Variants in WWOX observed in about 807,000 individuals in gnomAD.
WWOX encodes the protein WW domain-containing oxidoreductase.
Under a neutral mutation model 46.2 loss-of-function variants are expected in WWOX, and 69 were observed. The observed-to-expected ratio is 1.49, with a 90% confidence interval of 1.23 to 1.82. The LOEUF (loss-of-function observed/expected upper bound fraction) is 1.82, where lower values mean the gene tolerates loss of function less well. Ranked by LOEUF, WWOX falls within the 40% of genes most tolerant of loss-of-function variation. The pLI is 0.00. For missense variants in WWOX, 919 were observed against 542.6 expected (o/e 1.69, Z -6.89); for synonymous variants, 359 against 202.6 (o/e 1.77, Z -6.56).
chr16:78,980,604 C>G lies in WWOX; in HGVS notation c.1057-231004C>G, dbSNP rs2046661442. Among the ~76,000 whole-genome samples the G allele has an allele frequency of 2.0e-5, 3 of 152,216 alleles. No homozygotes were observed. In the South Asian group the frequency reaches 6.2e-4, roughly 32 times the overall value. On this transcript the variant is annotated intron_variant, in intron 8 of 8. Coordinates refer to ENST00000566780, the MANE Select transcript of WWOX (RefSeq NM_016373.4). Reference sequence around the variant, plus strand: ...ATCTCTCAGGATCCTATGTAGGTATCCTGATGGTAAGAATGATAATACCAT... The same window carrying G: ...ATCTCTCAGGATCCTATGTAGGTATGCTGATGGTAAGAATGATAATACCAT...
chr16:78,690,808 G>T (rs4887973), intron 8 of WWOX, among the ~76,000 whole-genome samples: 54,273 of 151,932 alleles, frequency 0.36, 10,388 homozygotes, highest in African/African-American at 0.42. Context: ...TAAAATGAAT[G>T]GCATATGCGT....
chr16:78,290,387 G>A lies in WWOX; in HGVS notation c.517-96473G>A, dbSNP rs184889286. ...ATAGAGTTGTTTCCTGGTGAATGAT[G>A]TATGACAGTTTTCTTTGTGCTTCCT... On this transcript the variant is annotated intron_variant, in intron 5 of 8. Transcript: ENST00000566780. Among the ~76,000 whole-genome samples, 374 of 149,016 alleles carry A rather than the reference G, an allele frequency of 2.5e-3. 2 individuals are homozygous for A. Among genetic ancestry groups the A allele is most frequent in the African/African-American group, 8.5e-3 (345 of 40,544 alleles).
chr16:78,675,877 C>A (rs1236521493), intron 8 of WWOX, among the ~76,000 whole-genome samples: 3 of 151,940 alleles, frequency 2.0e-5, no homozygotes, highest in Non-Finnish European at 4.4e-5. Flanking sequence ...ATACCTGTGG[C>A]ATACTCATTA....
Position 78,652,558 on chromosome 16 carries a change from G to C in WWOX, c.1056+219806G>C, listed in dbSNP as rs556712128. Among the ~76,000 whole-genome samples the C allele has an allele frequency of 1.6e-4, 24 of 152,192 alleles. No homozygotes were observed. In the East Asian group the frequency reaches 4.2e-3, roughly 27 times the overall value. ...CCCTCAGCAGTTGACTCACCTCTCTGGTGCTCCAGGTATTTCTCAGCGTGT... is the reference window on the plus strand; with the variant it reads ...CCCTCAGCAGTTGACTCACCTCTCTCGTGCTCCAGGTATTTCTCAGCGTGT... On this transcript the variant is annotated intron_variant, in intron 8 of 8. Transcript: ENST00000566780.
intron 8 of WWOX, among the ~76,000 whole-genome samples, chr16:78,600,179 G>A (rs1288422992): frequency 6.6e-6 from 1 of 152,082 alleles, no homozygotes; most frequent in East Asian, 1.9e-4. Context: ...GGAAAGACTT[G>A]CCCTCATGAT....
chr16:78,268,963 T>C (rs2079421994), intron 5 of WWOX: 1 of 152,310 alleles, frequency 6.6e-6, no homozygotes, highest in African/African-American at 2.4e-5. Context: ...TTGTACATCC[T>C]CCTTCATGTT....
At position 78,575,045 on chromosome 16, in the gene WWOX, ATATATAT is replaced by A. The variant is rs2044832303; in HGVS notation, c.1056+142294_1056+142300del. On this transcript the variant is annotated intron_variant, in intron 8 of 8. Transcript: ENST00000566780. ...TAAATATATATATATATATATATAT[ATATATAT>A]ATATATATATATATATATATATATA... Among the ~76,000 whole-genome samples, 11 of 7,164 alleles carry A rather than the reference ATATATAT, an allele frequency of 1.5e-3. 1 individual carries two copies. Among genetic ancestry groups the A allele is most frequent in the Non-Finnish European group, 1.3e-3 (5 of 3,728 alleles). The allele number at this position is 7,164 out of a possible 152,430, so 4.7% of individuals were successfully genotyped here. A position where few individuals can be genotyped will look rare whatever the true frequency, so the allele number is the denominator to read the frequency against.
chr16:78,815,535 T>C (rs1230559944), intron 8 of WWOX, among the ~76,000 whole-genome samples: 2 of 152,154 alleles, frequency 1.3e-5, no homozygotes, highest in Admixed American at 6.5e-5. Flanking sequence ...TGACCAAGAA[T>C]TTGAAATCTC....
chr16:78,510,626 A>G (rs1381778560), intron 8 of WWOX, among the ~76,000 whole-genome samples: 1 of 152,258 alleles, frequency 6.6e-6, no homozygotes, highest in Non-Finnish European at 1.5e-5. Context: ...GCACAAATCC[A>G]TGAAAGCATT....
At chr16:78,782,235 T>A (rs2050345822) in intron 8 of WWOX, among the ~76,000 whole-genome samples, 1 of 152,182 alleles carries the variant, frequency 6.6e-6, no homozygotes, top group African/African-American at 2.4e-5. Context: ...TGGACTTCTC[T>A]GCTCCTGGCT....
At chr16:78,567,161 T>C (rs935191225) in intron 8 of WWOX, among the ~76,000 whole-genome samples, 1 of 152,168 alleles carries the variant, frequency 6.6e-6, no homozygotes, top group Admixed American at 6.5e-5. Context: ...AAGGGCGTGA[T>C]TGGCAGAAGC....
intron 8 of WWOX, among the ~76,000 whole-genome samples, chr16:78,654,649 C>G (rs936560678): frequency 6.6e-6 from 1 of 152,006 alleles, no homozygotes; most frequent in Non-Finnish European, 1.5e-5. Flanking sequence ...CTCTCTCTCT[C>G]TCTCTCTCTG....
chr16:78,148,266 A>G (rs1029283282), intron 4 of WWOX, among the ~76,000 whole-genome samples: 2 of 152,194 alleles, frequency 1.3e-5, no homozygotes, highest in East Asian at 1.9e-4. Context: ...TGAGTACAGA[A>G]TTATACGAAG....
intron 8 of WWOX, among the ~76,000 whole-genome samples, chr16:78,903,036 A>C (rs1173015412): frequency 6.6e-6 from 1 of 152,192 alleles, no homozygotes; most frequent in East Asian, 1.9e-4. Flanking sequence ...CAAAATGCAC[A>C]AACAAAGCAA....
chr16:78,949,278 C>T (rs997179097), intron 8 of WWOX, among the ~76,000 whole-genome samples: 1 of 152,148 alleles, frequency 6.6e-6, no homozygotes, highest in Non-Finnish European at 1.5e-5. Context: ...GGACTTCCAA[C>T]CCACAGCAAC....
intron 8 of WWOX, among the ~76,000 whole-genome samples, chr16:78,903,717 G>A (rs1358353422): frequency 6.6e-6 from 1 of 152,174 alleles, no homozygotes; most frequent in Non-Finnish European, 1.5e-5. Context: ...CTAGGCACGT[G>A]TCTTCTTCAA....
At chr16:79,027,116 C>T (rs1220017331) in intron 8 of WWOX, among the ~76,000 whole-genome samples, 1 of 151,102 alleles carries the variant, frequency 6.6e-6, no homozygotes, top group Non-Finnish European at 1.5e-5. Flanking sequence ...CCCATCTCTA[C>T]AAAAAATAAA....
chr16:78,661,318 T>G (rs184281328), intron 8 of WWOX, among the ~76,000 whole-genome samples: 1 of 152,182 alleles, frequency 6.6e-6, no homozygotes, highest in South Asian at 2.1e-4. Flanking sequence ...CGCCATTTTT[T>G]AAAATTTATG....
intron 5 of WWOX, among the ~76,000 whole-genome samples, chr16:78,364,633 A>G (rs538855727): frequency 3.4e-4 from 46 of 136,314 alleles, no homozygotes; most frequent in South Asian, 9.4e-4. Context: ...TGCAGCTGAC[A>G]TTTATCAGCC....
Sources: allele counts gnomAD v4.1 joint callset (sites outside exome capture counted in the v4.1 genomes callset), GRCh38; gene constraint gnomAD v4.1.1; transcripts MANE v1.5; gene names NCBI Gene and HGNC (gene_info 2026-07-23, HGNC 2026-07-21).